The following MAP3K5 variants were observed in gnomAD, a reference collection of about 807,000 sequenced individuals.
MAP3K5 encodes mitogen-activated protein kinase kinase kinase 5.
MAP3K5 carries 56 observed loss-of-function variants against 158.7 expected under a neutral mutation model. The observed-to-expected ratio is 0.35, with a 90% CI of 0.28 to 0.44. The LOEUF (loss-of-function observed/expected upper bound fraction) is 0.44, where lower values mean the gene tolerates loss of function less well. Among genes scored for constraint, MAP3K5 ranks in the 20% least tolerant of loss-of-function variants. The pLI is 1.00. For synonymous variants in MAP3K5, 579 were observed against 601.7 expected, an observed-to-expected ratio of 0.96 and a Z score of 0.55; for missense variants, 1,294 against 1,674.8, an observed-to-expected ratio of 0.77 and a Z score of 3.97.
chr6:136,672,709 A>G (rs1482430930), intron 7 of MAP3K5, among the ~76,000 whole-genome samples: 1 of 152,084 alleles, frequency 6.6e-6, no homozygotes, highest in East Asian at 1.9e-4. Context: ...TAAGAAATTT[A>G]CCACATTTTG....
chr6:136,635,725 CAA>C (rs140167177), intron 14 of MAP3K5, among the ~76,000 whole-genome samples: 37,075 of 66,760 alleles, frequency 0.56, 8,591 homozygotes, highest in East Asian at 0.66. Flanking sequence ...CCGTCTCCAC[CAA>C]AAAAAAAAAA....
At chr6:136,748,784 T>C (rs1319549730) in intron 1 of MAP3K5, among the ~76,000 whole-genome samples, 1 of 152,248 alleles carries the variant, frequency 6.6e-6, no homozygotes, top group African/African-American at 2.4e-5. Context: ...GAATAACTTC[T>C]AAGAAATGAG....
chr6:136,591,930 A>T (rs1362900365), intron 23 of MAP3K5, among the ~76,000 whole-genome samples: 1 of 152,194 alleles, frequency 6.6e-6, no homozygotes, highest in Non-Finnish European at 1.5e-5. Flanking sequence ...AATGTGAAAA[A>T]TTTGCTTCTG....
At position 136,754,651 on chromosome 6, in the gene MAP3K5, T is replaced by C. The variant is rs147628789; in HGVS notation, c.449-34062A>G. On this transcript the variant is annotated intron_variant, in intron 1 of 29. Transcript: ENST00000359015. ...TGGATTATAGGGCTCCCCCACCCTA[T>C]GCTTAATCTGCAGAAAAGGGAGATT... is the stretch of plus-strand genomic sequence containing the variant. 7.7e-3 allele frequency among the ~76,000 whole-genome samples: 1,177 copies of C among 152,002 alleles called. 17 individuals carry two copies. The highest frequency in any genetic ancestry group is 0.026 in the African/African-American group (1,065 of 41,466).
At chr6:136,574,277 T>C (rs1168332402) in intron 25 of MAP3K5, among the ~76,000 whole-genome samples, 1 of 152,198 alleles carries the variant, frequency 6.6e-6, no homozygotes, top group Non-Finnish European at 1.5e-5. Context: ...CTTAGTAAGA[T>C]CATAATACTT....
chr6:136,649,681 A>G (rs112716982), intron 11 of MAP3K5, among the ~76,000 whole-genome samples: 39 of 152,334 alleles, frequency 2.6e-4, no homozygotes, highest in African/African-American at 9.4e-4. Context: ...CTGGGGTTTC[A>G]AAGTTAGGAT....
At chr6:136,745,220 CT>C (rs1227698366) in intron 1 of MAP3K5, among the ~76,000 whole-genome samples, 2 of 146,178 alleles carry the variant, frequency 1.4e-5, no homozygotes, top group African/African-American at 5.2e-5. Flanking sequence ...AGAAAAGTTC[CT>C]TTAAATTGAA....
At chr6:136,582,839 G>A (rs1774950696) in intron 24 of MAP3K5, among the ~76,000 whole-genome samples, 1 of 152,294 alleles carries the variant, frequency 6.6e-6, no homozygotes, top group South Asian at 2.1e-4. Flanking sequence ...TCTCCTGGAG[G>A]TGGCTTGAGG....
chr6:136,647,844 T>C (rs1437725804), intron 11 of MAP3K5: 1 of 152,516 alleles, frequency 6.6e-6, no homozygotes, highest in Non-Finnish European at 1.5e-5. Context: ...GCCTCACTGA[T>C]CTTCCTCCTC....
chr6:136,724,267 G>A (rs890677462), intron 1 of MAP3K5, among the ~76,000 whole-genome samples: 3 of 69,326 alleles, frequency 4.3e-5, no homozygotes, highest in Non-Finnish European at 5.9e-5. Flanking sequence ...TTTTTTTTTT[G>A]AGATGGAGTC....
chr6:136,671,644 A>T (rs2114537946), intron 7 of MAP3K5, among the ~76,000 whole-genome samples: 1 of 152,076 alleles, frequency 6.6e-6, no homozygotes, highest in African/African-American at 2.4e-5. Flanking sequence ...ATGGACTTTC[A>T]CTCTTGTTGC....
chr6:136,667,257 GA>G (rs1779267985), intron 8 of MAP3K5, among the ~76,000 whole-genome samples: 2 of 151,970 alleles, frequency 1.3e-5, no homozygotes, highest in East Asian at 1.9e-4. Context: ...TAAAAACAAT[GA>G]AAAAAGCAAC....
intron 1 of MAP3K5, among the ~76,000 whole-genome samples, chr6:136,768,759 CA>C (rs1784060025): frequency 6.6e-6 from 1 of 151,460 alleles, no homozygotes; most frequent in Non-Finnish European, 1.5e-5. Context: ...CCTAAAAATT[CA>C]AAAGTAGCCA....
Position 136,700,168 on chromosome 6 carries a change from A to G in MAP3K5, c.613-1486T>C, listed in dbSNP as rs76101038. On this transcript the variant is annotated intron_variant, in intron 3 of 29. Coordinates refer to ENST00000359015, the MANE Select transcript of MAP3K5 (RefSeq NM_005923.4). ...AGGAGGGAGGGAGGAAGAAATGTGC[A>G]TTTTCACAATGCACAATCAAAATGC... Among the ~76,000 whole-genome samples the G allele has an allele frequency of 4.6e-5, 7 of 152,256 alleles. No homozygotes were observed. The East Asian group carries it at 1.4e-3, about 29-fold the overall frequency.
At chr6:136,663,533 G>GTT (rs77357087) in intron 8 of MAP3K5, among the ~76,000 whole-genome samples, 12 of 148,434 alleles carry the variant, frequency 8.1e-5, no homozygotes, top group Admixed American at 1.3e-4. Context: ...GTCTCTTATA[G>GTT]TTTTTTTTTC....
At chr6:136,658,313 C>CTT (rs57535051) in intron 9 of MAP3K5, among the ~76,000 whole-genome samples, 32 of 90,466 alleles carry the variant, frequency 3.5e-4, no homozygotes, top group South Asian at 7.9e-4. Context: ...TTCTTTCTTT[C>CTT]TTTTTTTTTT....
At chr6:136,737,529 G>T (rs558659327) in intron 1 of MAP3K5, among the ~76,000 whole-genome samples, 1 of 152,144 alleles carries the variant, frequency 6.6e-6, no homozygotes. Context: ...GGCAGCCCCC[G>T]CCATGTATCA....
At chr6:136,728,503 C>T (rs541274159) in intron 1 of MAP3K5, among the ~76,000 whole-genome samples, 1 of 152,276 alleles carries the variant, frequency 6.6e-6, no homozygotes, top group Admixed American at 6.5e-5. Context: ...AGGTCTTGAA[C>T]TGGTCACAGT....
At chr6:136,657,142 A>C (rs6939819) in intron 9 of MAP3K5, among the ~76,000 whole-genome samples, 5,754 of 152,282 alleles carry the variant, frequency 0.038, 396 homozygotes, top group African/African-American at 0.13. Context: ...AGCTTTCCTA[A>C]ATAGACACTT....
Sources: gnomAD v4.1 joint callset for allele counts (sites outside exome capture counted in the v4.1 genomes callset) on GRCh38, gnomAD v4.1.1 for gene constraint, MANE v1.5 for transcripts, NCBI Gene and HGNC (gene_info 2026-07-23, HGNC 2026-07-21) for gene names.